The following SLC24A4 variants were observed in gnomAD, a reference collection of about 807,000 sequenced individuals.
SLC24A4 encodes sodium/potassium/calcium exchanger 4.
In SLC24A4, 53 loss-of-function variants were observed where a neutral mutation model predicts 79.0. The observed-to-expected ratio is 0.67, with a 90% CI of 0.54 to 0.84. The LOEUF is 0.84. Among genes scored for constraint, SLC24A4 ranks in the 40% least tolerant of loss-of-function variants. SLC24A4 has a pLI of 0.00. For synonymous variants in SLC24A4, 323 were observed against 323.8 expected (o/e 1.00, Z 0.03); for missense variants, 731 against 822.0 (o/e 0.89, Z 1.35).
At chr14:92,438,227 G>A (rs1002643083) in intron 3 of SLC24A4, among the ~76,000 whole-genome samples, 4 of 152,160 alleles carry the variant, frequency 2.6e-5, no homozygotes, top group South Asian at 2.1e-4. Flanking sequence ...CGCTCTTTGC[G>A]CTCAATTAAT....
intron 12 of SLC24A4, among the ~76,000 whole-genome samples, chr14:92,464,904 G>A (rs1346181413): frequency 6.6e-6 from 1 of 152,244 alleles, no homozygotes; most frequent in Non-Finnish European, 1.5e-5. Flanking sequence ...CATCCTGGGG[G>A]AGGCGAAGGA....
intron 2 of SLC24A4, among the ~76,000 whole-genome samples, chr14:92,356,200 G>A (rs1887172907): frequency 6.6e-6 from 1 of 152,146 alleles, no homozygotes; most frequent in African/African-American, 2.4e-5. Flanking sequence ...GGCTAAGCTA[G>A]GATGTTCCGT....
Position 92,431,323 on chromosome 14 carries a change from C to T in SLC24A4, c.242-2589C>T, listed in dbSNP as rs957564364. On this transcript the variant is annotated intron_variant, in intron 2 of 16. Transcript: ENST00000532405. ...CATTCGTAGGTGAGGGAACAGGCCC[C>T]GAGGTGTCAGGCAGCTTGCCCAGGT... is the stretch of plus-strand genomic sequence containing the variant. 4.6e-5 allele frequency among the ~76,000 whole-genome samples: 7 copies of T among 152,200 alleles called. No individual in the cohort carries two copies. The East Asian group carries it at 7.7e-4, about 17-fold the overall frequency.
At chr14:92,362,280 C>T (rs940548033) in intron 2 of SLC24A4, among the ~76,000 whole-genome samples, 3 of 152,114 alleles carry the variant, frequency 2.0e-5, no homozygotes, top group African/African-American at 7.2e-5. Flanking sequence ...CCTCGGAGCT[C>T]CATTTCCAAG....
At chr14:92,408,114 C>A (rs1462292962) in intron 2 of SLC24A4, among the ~76,000 whole-genome samples, 2 of 120,100 alleles carry the variant, frequency 1.7e-5, no homozygotes, top group African/African-American at 6.4e-5. Flanking sequence ...ACTGAAAGTG[C>A]TGAATTGTCA....
At chr14:92,439,248 T>TG in intron 3 of SLC24A4, 87 bp from the exon 4 acceptor site, 1 of 1,140,372 alleles carries the variant, frequency 8.8e-7, no homozygotes. Flanking sequence ...GCCTCTGCCC[T>TG]GGCAGCCTGG....
intron 2 of SLC24A4, among the ~76,000 whole-genome samples, chr14:92,345,475 C>A (rs1476242113): frequency 6.6e-6 from 1 of 152,076 alleles, no homozygotes; most frequent in African/African-American, 2.4e-5. Flanking sequence ...CCAAGGCGGG[C>A]GGATCACTTG....
At chr14:92,460,368 C>T (rs1451772629) in intron 12 of SLC24A4, among the ~76,000 whole-genome samples, 1 of 152,154 alleles carries the variant, frequency 6.6e-6, no homozygotes, top group African/African-American at 2.4e-5. Context: ...GTCTGGCACA[C>T]AGTAGGTGCT....
At chr14:92,439,630 C>T (rs1892381078) in intron 4 of SLC24A4, among the ~76,000 whole-genome samples, 1 of 152,248 alleles carries the variant, frequency 6.6e-6, no homozygotes, top group Admixed American at 6.5e-5. Context: ...AAAAAACACT[C>T]CCAGTGTGAG....
At chr14:92,409,864 G>GA (rs1466454880) in intron 2 of SLC24A4, among the ~76,000 whole-genome samples, 1 of 152,120 alleles carries the variant, frequency 6.6e-6, no homozygotes, top group Non-Finnish European at 1.5e-5. Flanking sequence ...CCATGTCTAT[G>GA]AAAAAATAAA....
chr14:92,406,545 C>G (rs1368774457), intron 2 of SLC24A4, among the ~76,000 whole-genome samples: 1 of 152,230 alleles, frequency 6.6e-6, no homozygotes, highest in African/African-American at 2.4e-5. Flanking sequence ...CCTCTAAAAT[C>G]TAGCGGAGGC....
chr14:92,400,056 G>A (rs1230573528), intron 2 of SLC24A4, among the ~76,000 whole-genome samples: 3 of 152,046 alleles, frequency 2.0e-5, no homozygotes, highest in African/African-American at 7.2e-5. Flanking sequence ...TGCCTAGCCA[G>A]GGCACAGTTT....
At chr14:92,335,961 G>A (rs924239430) in intron 2 of SLC24A4, among the ~76,000 whole-genome samples, 1 of 152,158 alleles carries the variant, frequency 6.6e-6, no homozygotes, top group East Asian at 1.9e-4. Flanking sequence ...CGTGCTTCTT[G>A]GTAGGTTTCT....
At chr14:92,333,181 C>T (rs1482288106) in intron 2 of SLC24A4, among the ~76,000 whole-genome samples, 3 of 152,168 alleles carry the variant, frequency 2.0e-5, no homozygotes, top group African/African-American at 7.2e-5. Flanking sequence ...GCAACCTCTG[C>T]CTCCCAGGTT....
chr14:92,390,255 T>A (rs889477653), intron 2 of SLC24A4, among the ~76,000 whole-genome samples: 1 of 151,856 alleles, frequency 6.6e-6, no homozygotes, highest in Admixed American at 6.6e-5. Context: ...GGGAGAACAT[T>A]TCTGTCCATC....
intron 2 of SLC24A4, among the ~76,000 whole-genome samples, chr14:92,347,809 C>A (rs926754834): frequency 1.3e-5 from 2 of 152,094 alleles, no homozygotes; most frequent in African/African-American, 4.8e-5. Context: ...CATCTGTAAT[C>A]CCAGCTACTC....
At chr14:92,467,245 A>G (rs1894176652) in intron 12 of SLC24A4, among the ~76,000 whole-genome samples, 1 of 152,242 alleles carries the variant, frequency 6.6e-6, no homozygotes, top group African/African-American at 2.4e-5. Flanking sequence ...GGTTGGTTCA[A>G]CATACAAAGA....
chr14:92,462,910 C>A (rs1217565707), intron 12 of SLC24A4, among the ~76,000 whole-genome samples: 2 of 152,134 alleles, frequency 1.3e-5, no homozygotes, highest in African/African-American at 4.8e-5. Flanking sequence ...ACACTACCAC[C>A]CAACCAAAGG....
intron 2 of SLC24A4, among the ~76,000 whole-genome samples, chr14:92,362,181 G>A (rs1282530349): frequency 1.3e-5 from 2 of 150,096 alleles, no homozygotes; most frequent in African/African-American, 4.9e-5. Context: ...GTCTAACCCC[G>A]GCCTGAATCC....
Sources: allele counts gnomAD v4.1 joint callset (sites outside exome capture counted in the v4.1 genomes callset), GRCh38; gene constraint gnomAD v4.1.1; transcripts MANE v1.5; gene names NCBI Gene and HGNC (gene_info 2026-07-23, HGNC 2026-07-21).